Variants in CPED1 observed in about 807,000 individuals in gnomAD.
CPED1 encodes cadherin-like and PC-esterase domain-containing protein 1.
CPED1 carries 114 observed loss-of-function variants against 128.2 expected under a neutral mutation model. The ratio of observed to expected loss-of-function variants is 0.89; its 90% CI spans 0.76 to 1.04. CPED1 has a LOEUF of 1.04. Among genes scored for constraint, CPED1 ranks in the 50% least tolerant of loss-of-function variants. The pLI is 0.00. For synonymous variants in CPED1, 462 were observed against 426.7 expected (o/e 1.08, Z -1.02); for missense variants, 1,211 against 1,207.1 (o/e 1.00, Z -0.05).
At chr7:121,249,444 C>T (rs939766203) in intron 18 of CPED1, among the ~76,000 whole-genome samples, 2 of 152,148 alleles carry the variant, frequency 1.3e-5, no homozygotes, top group African/African-American at 2.4e-5. Flanking sequence ...GGTCAAGTCT[C>T]ATACAGAGGG....
At chr7:121,147,955 A>C (rs1796064460) in intron 16 of CPED1, among the ~76,000 whole-genome samples, 1 of 152,044 alleles carries the variant, frequency 6.6e-6, no homozygotes, top group Admixed American at 6.6e-5. Flanking sequence ...GAACTCTCTC[A>C]TTTATTTTTT....
chr7:121,218,444 T>A (rs1469656225), intron 16 of CPED1, among the ~76,000 whole-genome samples: 1 of 152,030 alleles, frequency 6.6e-6, no homozygotes, highest in Non-Finnish European at 1.5e-5. Context: ...TACAACCTCA[T>A]ATGCTTTATT....
At position 121,106,318 on chromosome 7, in the gene CPED1, ATATAATGCTT is replaced by A. The variant is rs1034007595; in HGVS notation, c.918+6229_918+6238del. On this transcript the variant is annotated intron_variant, in intron 7 of 22. Transcript: ENST00000310396. The stretch of plus-strand genomic sequence containing the variant: ...ATAATGCTTTATATAGGTAGATGCT[ATATAATGCTT>A]TATATAGGTATACACATATATGTGT... Among the ~76,000 whole-genome samples, 72 of 152,116 alleles carry A rather than the reference ATATAATGCTT, an allele frequency of 4.7e-4. 1 individual carries two copies. The highest frequency in any genetic ancestry group is 7.4e-4 in the Non-Finnish European group (50 of 68,010).
At chr7:121,030,712 A>C (rs1324480827) in intron 3 of CPED1, among the ~76,000 whole-genome samples, 1 of 152,140 alleles carries the variant, frequency 6.6e-6, no homozygotes, top group Non-Finnish European at 1.5e-5. Flanking sequence ...TAATGTGCCT[A>C]ATTTATAAAT....
chr7:121,069,548 G>C (rs543561827), intron 5 of CPED1, among the ~76,000 whole-genome samples: 1 of 152,232 alleles, frequency 6.6e-6, no homozygotes, highest in South Asian at 2.1e-4. Flanking sequence ...GGCTAACACA[G>C]TCTGTTCCAT....
At position 120,996,063 on chromosome 7, in the gene CPED1, A is replaced by T. The variant is rs573592209; in HGVS notation, c.249+6193A>T. On this transcript the variant is annotated intron_variant, in intron 2 of 22. Coordinates refer to ENST00000310396, the MANE Select transcript of CPED1 (RefSeq NM_024913.5). ...GGAGGCTGAAGCAGGAGGATCACTT[A>T]AGTCCAGGAGTTCAAGACCAGCCTA... Among the ~76,000 whole-genome samples, 50 of 151,706 alleles carry T rather than the reference A, an allele frequency of 3.3e-4. 2 individuals carry two copies. The South Asian group carries it at 0.01, about 30-fold the overall frequency.
At chr7:121,085,373 A>C (rs1024743) in intron 5 of CPED1, among the ~76,000 whole-genome samples, 134,212 of 152,196 alleles carry the variant, frequency 0.88, 59,273 homozygotes, top group Middle Eastern at 0.98. Context: ...CTGAATAAGT[A>C]AAAAATAAAT....
chr7:121,016,037 C>T (rs547627859), intron 3 of CPED1, among the ~76,000 whole-genome samples, 189 bp downstream of exon 3: 1 of 152,214 alleles, frequency 6.6e-6, no homozygotes, highest in Admixed American at 6.5e-5. Context: ...AACTGTGTCT[C>T]TTTATTCCTG....
At chr7:121,185,178 G>A (rs545999125) in intron 16 of CPED1, among the ~76,000 whole-genome samples, 1 of 152,210 alleles carries the variant, frequency 6.6e-6, no homozygotes, top group South Asian at 2.1e-4. Flanking sequence ...TCAGTTCTGT[G>A]TGTGAAGAAC....
intron 5 of CPED1, among the ~76,000 whole-genome samples, chr7:121,081,097 T>C (rs1794281951): frequency 6.6e-6 from 1 of 152,202 alleles, no homozygotes; most frequent in African/African-American, 2.4e-5. Context: ...ATGACTAGTC[T>C]CTTGAATTTA....
chr7:121,104,661 A>G (rs1053705190), intron 7 of CPED1, among the ~76,000 whole-genome samples: 1 of 152,162 alleles, frequency 6.6e-6, no homozygotes, highest in Non-Finnish European at 1.5e-5. Context: ...CCATATTTGA[A>G]GATGTTAGAT....
At chr7:121,280,384 T>G (rs565591225) in intron 22 of CPED1, among the ~76,000 whole-genome samples, 35 of 152,168 alleles carry the variant, frequency 2.3e-4, no homozygotes, top group Non-Finnish European at 4.9e-4. Flanking sequence ...CTCCTTACAA[T>G]CAGTCTCCGC....
intron 5 of CPED1, among the ~76,000 whole-genome samples, chr7:121,070,904 G>A (rs1034885570): frequency 2.0e-5 from 3 of 152,024 alleles, no homozygotes; most frequent in African/African-American, 7.2e-5. Flanking sequence ...GTCTGTTTAG[G>A]GACTGAAACA....
chr7:120,991,278 C>T (rs1339654687), intron 2 of CPED1, among the ~76,000 whole-genome samples: 2 of 152,184 alleles, frequency 1.3e-5, no homozygotes, highest in South Asian at 2.1e-4. Flanking sequence ...AGTTGAAACA[C>T]TTTAAAATGA....
At chr7:121,155,618 CT>C (rs1188450942) in intron 16 of CPED1, among the ~76,000 whole-genome samples, 4 of 152,278 alleles carry the variant, frequency 2.6e-5, no homozygotes, top group African/African-American at 7.2e-5. Context: ...AAAGGACAGT[CT>C]TTTCAATAAA....
intron 2 of CPED1, among the ~76,000 whole-genome samples, chr7:121,013,012 C>A (rs1429259746): frequency 6.6e-6 from 1 of 152,156 alleles, no homozygotes; most frequent in South Asian, 2.1e-4. Context: ...CTTGAGCCAG[C>A]TGTAATAGAG....
chr7:121,268,732 T>G (rs1232086815), intron 21 of CPED1, among the ~76,000 whole-genome samples: 1 of 151,946 alleles, frequency 6.6e-6, no homozygotes, highest in African/African-American at 2.4e-5. Flanking sequence ...CACCATGCTC[T>G]CAGTCACCTC....
chr7:121,037,119 CT>C (rs1792916872), intron 3 of CPED1, among the ~76,000 whole-genome samples: 5 of 152,128 alleles, frequency 3.3e-5, no homozygotes, highest in Admixed American at 2.6e-4. Flanking sequence ...ATTTCTTTTG[CT>C]GTGCAGAAGC....
chr7:121,075,056 TG>T (rs1304813573), intron 5 of CPED1, among the ~76,000 whole-genome samples: 5 of 152,164 alleles, frequency 3.3e-5, no homozygotes, highest in Non-Finnish European at 7.4e-5. Context: ...TTTCCTGTGA[TG>T]TTGTGGATTT....
Sources: allele counts gnomAD v4.1 joint callset (sites outside exome capture counted in the v4.1 genomes callset), GRCh38; gene constraint gnomAD v4.1.1; transcripts MANE v1.5; gene names NCBI Gene and HGNC (gene_info 2026-07-23, HGNC 2026-07-21).